The following LY75 variants were observed in gnomAD, a reference collection of about 807,000 sequenced individuals.
LY75 encodes lymphocyte antigen 75.
In LY75, 185 loss-of-function variants were observed where a neutral mutation model predicts 231.7. The observed-to-expected ratio is 0.80, with a 90% CI of 0.71 to 0.90. The LOEUF is 0.90. LY75 is among the 40% of genes least tolerant of loss of function. The pLI is 0.00. For synonymous variants in LY75, 668 were observed against 689.0 expected, an observed-to-expected ratio of 0.97 and a Z score of 0.48; for missense variants, 1,947 against 2,050.2, an observed-to-expected ratio of 0.95 and a Z score of 0.97.
Position 159,894,001 on chromosome 2 carries a change from T to C in LY75, c.550A>G (p.Ile184Val). Reference sequence around the variant, plus strand: ...GGCCCACTATGATCTTCATCAAGAATGCAATCATGATGCCAGGTCCCATCA... The same window carrying C: ...GGCCCACTATGATCTTCATCAAGAACGCAATCATGATGCCAGGTCCCATCA... ...LIDGTWHHDC[I>V]LDEDHSGPWC... Residue 184 changes from isoleucine (I) to valine (V), a missense_variant, in exon 3 of 35, where the codon ATT becomes GTT. Transcript: ENST00000263636. 1 of 1,613,960 alleles carries C rather than the reference T, an allele frequency of 6.2e-7. No individual in the cohort carries two copies. The highest frequency in any genetic ancestry group is 8.5e-7 in the Non-Finnish European group (1 of 1,179,894).
At chr2:159,850,791 T>TATATATATCTATATATATATATATAA (rs1341394980) in intron 21 of LY75, among the ~76,000 whole-genome samples, 1 of 94,510 alleles carries the variant, frequency 1.1e-5, no homozygotes, top group Non-Finnish European at 2.3e-5. Flanking sequence ...TATATATATA[T>TATATATATCTATATATATATATATAA]ATATATATTA....
intron 7 of LY75, 40 bp from the exon 8 acceptor site, chr2:159,881,280 T>C: frequency 6.3e-7 from 1 of 1,586,854 alleles, no homozygotes; most frequent in Non-Finnish European, 8.6e-7. Context: ...TTTGCTCAAT[T>C]AAATACTGTA....
chr2:159,872,588 GAATACCT>G lies in LY75; in HGVS notation c.1975-2_1979del. The G allele has an allele frequency of 6.2e-7, 1 of 1,611,894 alleles. No homozygotes were observed. ...TCTTTCTTACAATTCTTTCTGCATG[GAATACCT>G]TAGCAAAATATAATATTAATTTGTT... On this transcript the variant is annotated splice_acceptor_variant and coding_sequence_variant, in exon 13 of 35. Transcript: ENST00000263636. LOFTEE classifies it high-confidence loss of function.
At chr2:159,864,487 A>G (rs564274450) in intron 14 of LY75, among the ~76,000 whole-genome samples, 2 of 152,128 alleles carry the variant, frequency 1.3e-5, no homozygotes, top group African/African-American at 4.8e-5. Context: ...TATCATTTAT[A>G]GAAGAGACTG....
intron 28 of LY75, among the ~76,000 whole-genome samples, chr2:159,829,450 T>A (rs1313956346): frequency 6.6e-6 from 1 of 152,222 alleles, no homozygotes; most frequent in Admixed American, 6.5e-5. Context: ...TAGTAATTTC[T>A]ATTCATGGCC....
At chr2:159,881,363 G>C in intron 7 of LY75, 123 bp from the exon 8 acceptor site, 3 of 1,174,126 alleles carry the variant, frequency 2.6e-6, no homozygotes, top group Non-Finnish European at 2.3e-6. Context: ...TTCTTAATTC[G>C]GTTATTAATA....
chr2:159,869,962 T>C (rs1327661203), intron 13 of LY75, among the ~76,000 whole-genome samples: 1 of 152,220 alleles, frequency 6.6e-6, no homozygotes, highest in East Asian at 1.9e-4. Context: ...CAAATTGCCT[T>C]GGGTCAGTCT....
intron 6 of LY75, 93 bp downstream of exon 6, chr2:159,885,060 T>C: frequency 6.6e-7 from 1 of 1,516,662 alleles, no homozygotes; most frequent in Non-Finnish European, 8.9e-7. Flanking sequence ...GAAGGAAAGG[T>C]GGAAACGGAT....
chr2:159,897,713 G>A (rs1685944038), intron 2 of LY75, among the ~76,000 whole-genome samples: 1 of 152,156 alleles, frequency 6.6e-6, no homozygotes, highest in Non-Finnish European at 1.5e-5. Flanking sequence ...AAGGCAAGGG[G>A]AAATAATAGG....
At chr2:159,831,090 G>T (rs1457352391) in intron 28 of LY75, among the ~76,000 whole-genome samples, 1 of 152,146 alleles carries the variant, frequency 6.6e-6, no homozygotes, top group Non-Finnish European at 1.5e-5. Context: ...AGTGAAAAAA[G>T]AAAATTGATA....
chr2:159,810,023 CTTA>C (rs975790956), intron 32 of LY75, among the ~76,000 whole-genome samples: 3 of 148,398 alleles, frequency 2.0e-5, no homozygotes, highest in Non-Finnish European at 3.0e-5. Flanking sequence ...TTTCCATGTA[CTTA>C]TTATTAACAT....
chr2:159,826,850 C>A (rs1683485573), intron 28 of LY75, among the ~76,000 whole-genome samples: 2 of 152,124 alleles, frequency 1.3e-5, no homozygotes, highest in Admixed American at 1.3e-4. Flanking sequence ...CAAACAAGCA[C>A]TGGGTAAAAT....
At chr2:159,841,070 A>G (rs531407638) in intron 24 of LY75, 115 bp from the exon 25 acceptor site, 1 of 1,465,184 alleles carries the variant, frequency 6.8e-7, no homozygotes, top group African/African-American at 1.4e-5. Flanking sequence ...TTATTTGCCT[A>G]TTTATTTTAG....
In LY75 at chr2:159,850,526, A is replaced by C. The variant is rs1684353444; in HGVS notation, c.2884-59T>G. The C allele has an allele frequency of 1.9e-6, 3 of 1,600,798 alleles. No homozygotes were observed. In the South Asian group the frequency reaches 3.3e-5, roughly 18 times the overall value. On this transcript the variant is annotated intron_variant, in intron 21 of 34. Coordinates refer to ENST00000263636, the MANE Select transcript of LY75 (RefSeq NM_002349.4). ...CCAGACACAGGAACGCTCACATAGG[A>C]AGTAAAATGCTTCATCTTTTAGAGG...
At chr2:159,855,768 C>T (rs1277086801) in intron 16 of LY75, among the ~76,000 whole-genome samples, 1 of 152,186 alleles carries the variant, frequency 6.6e-6, no homozygotes, top group African/African-American at 2.4e-5. Flanking sequence ...CCATGGGAGC[C>T]TATTTGCGTT....
chr2:159,817,582 G>T (rs1683157624), intron 29 of LY75, among the ~76,000 whole-genome samples: 1 of 152,154 alleles, frequency 6.6e-6, no homozygotes. Context: ...AATGCAGTAT[G>T]TTAGATTATA....
chr2:159,847,786 T>C (rs1225882746), intron 23 of LY75, among the ~76,000 whole-genome samples: 1 of 152,126 alleles, frequency 6.6e-6, no homozygotes, highest in Non-Finnish European at 1.5e-5. Flanking sequence ...AGCAAGTTGG[T>C]AATCAGAGCT....
chr2:159,836,598 G>A (rs961269923), intron 25 of LY75, among the ~76,000 whole-genome samples: 2 of 152,168 alleles, frequency 1.3e-5, no homozygotes, highest in African/African-American at 4.8e-5. Flanking sequence ...AAGACAATCT[G>A]CATCACTAGT....
At chr2:159,811,509 T>G (rs1682960384) in intron 31 of LY75, among the ~76,000 whole-genome samples, 1 of 152,240 alleles carries the variant, frequency 6.6e-6, no homozygotes, top group Non-Finnish European at 1.5e-5. Context: ...ACAGCTTATC[T>G]GAATCAAATA....
Sources: allele counts gnomAD v4.1 joint callset (sites outside exome capture counted in the v4.1 genomes callset), GRCh38; gene constraint gnomAD v4.1.1; transcripts MANE v1.5; gene names NCBI Gene and HGNC (gene_info 2026-07-23, HGNC 2026-07-21).